ING1: variants seen among roughly 807,000 people sequenced by gnomAD.
ING1 encodes the protein inhibitor of growth family member 1, also known as inhibitor of growth protein 1.
ING1 carries 4 observed loss-of-function variants against 23.1 expected under a neutral mutation model. The ratio of observed to expected loss-of-function variants is 0.17; its 90% CI spans 0.09 to 0.40. ING1 has a LOEUF of 0.40. ING1 is among the 10% of genes least tolerant of loss of function. The pLI, the probability that ING1 is intolerant of heterozygous loss-of-function variation, is 1.00. For synonymous variants in ING1, 179 were observed against 166.4 expected (o/e 1.08, Z -0.58); for missense variants, 256 against 393.8 (o/e 0.65, Z 2.96).
intron 1 of ING1, 126 bp downstream of exon 1, chr13:110,714,411 G>A (rs1438113504): frequency 2.2e-6 from 2 of 893,050 alleles, no homozygotes; most frequent in Non-Finnish European, 1.5e-6. Context: ...GGCGGCCCTC[G>A]GCAGGGGCAG....
In ING1 at chr13:110,720,839, A is replaced by AC. The variant is rs1379565220; in HGVS notation, c.*909dup. Reference sequence around the variant, plus strand: ...TAAAATTTGTCTTAAAAATTTATACACCAGCAATTTAGACAAAGCCTTAAG... The same window carrying AC: ...TAAAATTTGTCTTAAAAATTTATACACCCAGCAATTTAGACAAAGCCTTAAG... On this transcript the variant is annotated 3_prime_UTR_variant, in exon 2 of 2. Transcript: ENST00000333219. 1 of 167,128 alleles carries AC rather than the reference A, an allele frequency of 6.0e-6. No homozygotes were observed. Among genetic ancestry groups the AC allele is most frequent in the African/African-American group, 2.4e-5 (1 of 41,468 alleles). 10.4% of individuals were successfully genotyped at this position (167,128 alleles called of 1,614,324 possible). A position where few individuals can be genotyped will look rare whatever the true frequency, so the allele number is the denominator to read the frequency against.
rs540356862 is a variant in ING1, at chr13:110,714,095, G to A, written c.-55G>A. On this transcript the variant is annotated 5_prime_UTR_variant, in exon 1 of 2. Transcript: ENST00000333219. Reference sequence around the variant, plus strand: ...CAGTGCTATTTTTTGAGGGGGGCGGGGGGTGGAGGAAGCGGAAAGCCGCGC... The same window carrying A: ...CAGTGCTATTTTTTGAGGGGGGCGGAGGGTGGAGGAAGCGGAAAGCCGCGC... 3 of 1,491,866 alleles carry A rather than the reference G, an allele frequency of 2.0e-6. No individual in the cohort carries two copies. Among genetic ancestry groups the A allele is most frequent in the African/African-American group, 1.4e-5 (1 of 69,178 alleles). 92.4% of individuals were successfully genotyped at this position (1,491,866 alleles called of 1,614,324 possible). A position where few individuals can be genotyped will look rare whatever the true frequency, so the allele number is the denominator to read the frequency against.
In ING1 at chr13:110,715,541, GT is replaced by G. The variant is rs2064108048; in HGVS notation, c.136+1259del. ...AGCGCAATAACTGGTATGGGTCTGT[GT>G]TTCCGCTGTCTTCTTTTTTCTTTTT... On this transcript the variant is annotated intron_variant, in intron 1 of 1. Coordinates refer to ENST00000333219, the MANE Select transcript of ING1 (RefSeq NM_198219.3). 3.1e-6 allele frequency: 5 copies of G among 1,614,182 alleles called. No homozygotes were observed. In the African/African-American group the frequency reaches 6.7e-5, roughly 22 times the overall value.
In ING1 at chr13:110,720,477, T is replaced by C. The variant is rs187166188; in HGVS notation, c.*545T>C. ...ATGACAGATATTTTATCTATTGGCC[T>C]GTTCCCCAAATGGCCATTTTAAAAT... On this transcript the variant is annotated 3_prime_UTR_variant, in exon 2 of 2. Transcript: ENST00000333219. The C allele has an allele frequency of 1.1e-3, 184 of 167,252 alleles. No homozygotes were observed. The highest frequency in any genetic ancestry group is 2.1e-3 in the Admixed American group (32 of 15,298). 10.4% of individuals were successfully genotyped at this position (167,252 alleles called of 1,614,324 possible). A position where few individuals can be genotyped will look rare whatever the true frequency, so the allele number is the denominator to read the frequency against.
At chr13:110,716,055 A>G (rs766333410) in intron 1 of ING1, 1 of 1,473,070 alleles carries the variant, frequency 6.8e-7, no homozygotes, top group East Asian at 2.4e-5. Flanking sequence ...CGGCGCAGAA[A>G]CTTTTCTGGA....
intron 1 of ING1, chr13:110,715,279 G>GT: frequency 7.2e-7 from 1 of 1,384,290 alleles, no homozygotes. Context: ...AGTTGGGTGG[G>GT]GGCAAAAAAA....
chr13:110,719,166 C>A lies in ING1; in HGVS notation c.137-63C>A. 6.5e-7 allele frequency: 1 copy of A among 1,541,470 alleles called. No individual in the cohort carries two copies. The highest frequency in any genetic ancestry group is 1.2e-5 in the South Asian group (1 of 85,956). The stretch of plus-strand genomic sequence containing the variant: ...TGCCAGCCCTCTCCGTAGACCCGTC[C>A]GGGGCCGTGTGGGTTGTCCCGGTGT... On this transcript the variant is annotated intron_variant, in intron 1 of 1. Coordinates refer to ENST00000333219, the MANE Select transcript of ING1 (RefSeq NM_198219.3). This position sits in a 1 kb window ranked among gnomAD's most constrained non-coding sequence, Gnocchi z 8.9.
chr13:110,713,990 A>T lies in ING1; in HGVS notation c.-160A>T, dbSNP rs1259157772. 9.8e-6 allele frequency: 11 copies of T among 1,119,104 alleles called. No individual in the cohort carries two copies. Among genetic ancestry groups the T allele is most frequent in the East Asian group, 4.6e-5 (1 of 21,706 alleles). 69.3% of individuals were successfully genotyped at this position (1,119,104 alleles called of 1,614,324 possible). A position where few individuals can be genotyped will look rare whatever the true frequency, so the allele number is the denominator to read the frequency against. ...GTCCCCGCGGACCCGGAGGCGGCGG[A>T]CGGGCTCGGCAGATGTAGCCGCCGG... On this transcript the variant is annotated 5_prime_UTR_variant, in exon 1 of 2. Transcript: ENST00000333219.
chr13:110,719,203 G>A lies in ING1; in HGVS notation c.137-26G>A, dbSNP rs778300609. ...GGTTGTCCCGGTGTCCTGCTCGCGA[G>A]TGACGCCTGTCCTTCTTGCCCCCAG... is the stretch of plus-strand genomic sequence containing the variant. On this transcript the variant is annotated intron_variant, in intron 1 of 1. Coordinates refer to ENST00000333219, the MANE Select transcript of ING1 (RefSeq NM_198219.3). The surrounding 1 kb of genome is among the most constrained non-coding windows in gnomAD (Gnocchi z 8.9). 1.2e-6 allele frequency: 2 copies of A among 1,609,852 alleles called. No individual in the cohort carries two copies. Among genetic ancestry groups the A allele is most frequent in the Non-Finnish European group, 1.7e-6 (2 of 1,177,746 alleles).
At chr13:110,714,533 G>T (rs1240504756) in intron 1 of ING1, among the ~76,000 whole-genome samples, 1 of 151,836 alleles carries the variant, frequency 6.6e-6, no homozygotes, top group Non-Finnish European at 1.5e-5. Context: ...CGCGACCAAA[G>T]CGCTCTTTGT....
rs756571242 is a variant in ING1, at chr13:110,720,036, G to T, written c.*104G>T. 2 of 884,490 alleles carry T rather than the reference G, an allele frequency of 2.3e-6. No individual in the cohort carries two copies. Among genetic ancestry groups the T allele is most frequent in the Non-Finnish European group, 3.3e-6 (2 of 601,022 alleles). The allele number at this position is 884,490 out of a possible 1,614,324, so 54.8% of individuals were successfully genotyped here. A position where few individuals can be genotyped will look rare whatever the true frequency, so the allele number is the denominator to read the frequency against. On this transcript the variant is annotated 3_prime_UTR_variant, in exon 2 of 2. Transcript: ENST00000333219. ...GGAGTGTAAAATGTATATTTTTAAA[G>T]AATGTTAGTAAAGGAACCATTCCTT...
At chr13:110,715,856 G>C in intron 1 of ING1, 2 of 1,595,798 alleles carry the variant, frequency 1.3e-6, no homozygotes, top group Non-Finnish European at 8.5e-7. Flanking sequence ...TTCGGGCGCG[G>C]ATTTATAGCA....
chr13:110,716,775 A>G (rs2064127199), intron 1 of ING1, among the ~76,000 whole-genome samples: 1 of 152,192 alleles, frequency 6.6e-6, no homozygotes, highest in African/African-American at 2.4e-5. Context: ...TTGGTGTGGA[A>G]TATGTTTGGA....
At position 110,719,582 on chromosome 13, in the gene ING1, A is replaced by G. The variant is rs1219660688; in HGVS notation, c.490A>G (p.Ser164Gly). Reference protein sequence around the residue: ...RNNENRENASSNHDHDDGASG... With the variant: ...RNNENRENASGNHDHDDGASG... ...CAACGAGAACCGTGAGAACGCGTCC[A>G]GCAACCACGACCACGACGACGGCGC... Residue 164 changes from serine (S) to glycine (G), a missense_variant, in exon 2 of 2, where the codon AGC becomes GGC. Around this residue, in one of 3 missense-constraint regions of ING1, gnomAD observed 209 missense variants for 273.8 expected, o/e 0.76. Coordinates refer to ENST00000333219, the MANE Select transcript of ING1 (RefSeq NM_198219.3). This position sits in a 1 kb window ranked among gnomAD's most constrained non-coding sequence, Gnocchi z 8.9. The G allele has an allele frequency of 1.2e-6, 2 of 1,611,554 alleles. No homozygotes were observed. The highest frequency in any genetic ancestry group is 3.4e-5 in the Admixed American group (2 of 58,904).
At position 110,721,062 on chromosome 13, in the gene ING1, T is replaced by G. The variant is rs186706449; in HGVS notation, c.*1130T>G. 6.0e-6 allele frequency: 1 copy of G among 167,178 alleles called. No individual in the cohort carries two copies. Among genetic ancestry groups the G allele is most frequent in the Non-Finnish European group, 1.5e-5 (1 of 68,124 alleles). The allele number at this position is 167,178 out of a possible 1,614,324, so 10.4% of individuals were successfully genotyped here. On this transcript the variant is annotated 3_prime_UTR_variant, in exon 2 of 2. Transcript: ENST00000333219. The stretch of plus-strand genomic sequence containing the variant: ...AATTCTAGTGTCCATAAATAAAGTT[T>G]CAGCGGAACACAGCCGTGCTTATGT...
chr13:110,719,243 C>G lies in ING1; in HGVS notation c.151C>G (p.Leu51Val), dbSNP rs2064150298. 1 of 1,613,274 alleles carries G rather than the reference C, an allele frequency of 6.2e-7. No individual in the cohort carries two copies. The highest frequency in any genetic ancestry group is 1.1e-5 in the South Asian group (1 of 91,074). Residue 51 changes from leucine to valine, a missense_variant, in exon 2 of 2, where the codon CTA becomes GTA. Leu to Val is a conservative substitution (Grantham distance 32). Transcript: ENST00000333219. The surrounding 1 kb of genome is among the most constrained non-coding windows in gnomAD (Gnocchi z 8.9). The part of the protein sequence containing the change: ...DAKYQEILKE[L>V]DECYERFSRE... ...CTTGCCCCCAGAGATCCTGAAGGAG[C>G]TAGACGAGTGCTACGAGCGCTTCAG... is the stretch of plus-strand genomic sequence containing the variant.
Position 110,719,014 on chromosome 13 carries a change from C to T in ING1, c.137-215C>T, listed in dbSNP as rs1594456735. Among the ~76,000 whole-genome samples, 1 of 101,590 alleles carries T rather than the reference C, an allele frequency of 9.8e-6. No homozygotes were observed. Among genetic ancestry groups the T allele is most frequent in the African/African-American group, 4.7e-5 (1 of 21,314 alleles). The allele number at this position is 101,590 out of a possible 152,430, so 66.6% of individuals were successfully genotyped here. A position where few individuals can be genotyped will look rare whatever the true frequency, so the allele number is the denominator to read the frequency against. ...GCTCCTGCCGCTGTGGAAGCTGGGC[C>T]GGCATTTGTGTTGTGTTGTGTTGTG... On this transcript the variant is annotated intron_variant, in intron 1 of 1. Coordinates refer to ENST00000333219, the MANE Select transcript of ING1 (RefSeq NM_198219.3). The surrounding 1 kb of genome is among the most constrained non-coding windows in gnomAD (Gnocchi z 8.9).
intron 1 of ING1, chr13:110,715,995 G>T (rs374776077): frequency 3.8e-5 from 57 of 1,505,528 alleles, no homozygotes; most frequent in Non-Finnish European, 4.8e-5. Context: ...GGGGCCGCGC[G>T]TGGCCGTGGA....
In ING1 at chr13:110,722,306, A is replaced by G. The variant is rs984905243; in HGVS notation, c.*2374A>G. ...AATAGTGAACAAAAGGTTTATGAAA[A>G]TAAGTTATGAAACTAAAATACTTAA... On this transcript the variant is annotated 3_prime_UTR_variant, in exon 2 of 2. Coordinates refer to ENST00000333219, the MANE Select transcript of ING1 (RefSeq NM_198219.3). 5.9e-5 allele frequency: 9 copies of G among 152,270 alleles called. No homozygotes were observed. Among genetic ancestry groups the G allele is most frequent in the African/African-American group, 1.2e-4 (5 of 41,472 alleles). The allele number at this position is 152,270 out of a possible 1,614,324, so 9.4% of individuals were successfully genotyped here.
Sources: gnomAD v4.1 joint callset for allele counts (sites outside exome capture counted in the v4.1 genomes callset) on GRCh38, gnomAD v4.1.1 for gene constraint, gnomAD v4.1.1 regional missense constraint, Gnocchi (gnomAD v3.1) non-coding constraint, MANE v1.5 for transcripts, NCBI Gene and HGNC (gene_info 2026-07-23, HGNC 2026-07-21) for gene names.